PTK2: variants seen among roughly 807,000 people sequenced by gnomAD.
PTK2 encodes the protein protein tyrosine kinase 2.
Under a neutral mutation model 150.1 loss-of-function variants are expected in PTK2, and 45 were observed. That is an observed-to-expected ratio of 0.30 (90% confidence interval 0.24 to 0.38). The LOEUF is 0.38. PTK2 is among the 10% of genes least tolerant of loss of function. The probability of loss-of-function intolerance (pLI) is 1.00; values close to 1 mark genes in which losing one functional copy is unlikely to be tolerated. For synonymous variants in PTK2, 432 were observed against 449.2 expected, an observed-to-expected ratio of 0.96 and a Z score of 0.48; for missense variants, 919 against 1,307.3, an observed-to-expected ratio of 0.70 and a Z score of 4.58.
intron 1 of PTK2, among the ~76,000 whole-genome samples, chr8:140,965,121 T>C (rs557017266): frequency 1.1e-3 from 175 of 152,298 alleles, no homozygotes; most frequent in African/African-American, 4.0e-3. Context: ...CTATTACTTT[T>C]AAAGAAAACA....
At chr8:140,830,596 A>G in intron 7 of PTK2, 70 bp from the exon 8 acceptor site, 1 of 865,572 alleles carries the variant, frequency 1.2e-6, no homozygotes, top group Non-Finnish European at 1.8e-6. Flanking sequence ...ACTTGCAAGA[A>G]CATAAAAGCA....
At chr8:140,899,365 T>G (rs2100157552) in intron 2 of PTK2, among the ~76,000 whole-genome samples, 1 of 152,172 alleles carries the variant, frequency 6.6e-6, no homozygotes, top group South Asian at 2.1e-4. Context: ...ATACAAAGAC[T>G]CTTACAGAGA....
chr8:140,907,608 C>T (rs1293686756), intron 2 of PTK2, among the ~76,000 whole-genome samples: 2 of 152,092 alleles, frequency 1.3e-5, no homozygotes, highest in Non-Finnish European at 2.9e-5. Flanking sequence ...AACCCTGCAT[C>T]GAGCGAGTCT....
rs917797511 is a variant in PTK2 at position 140,805,701 on chromosome 8, C to A, written c.868-2051G>T. Reference sequence around the variant, plus strand: ...ACTTCAGCTCCAAACATCCAGAATTCATGTGTTTACTTCCCATCTTCACAG... The same window carrying A: ...ACTTCAGCTCCAAACATCCAGAATTAATGTGTTTACTTCCCATCTTCACAG... On this transcript the variant is annotated intron_variant, in intron 10 of 31. Coordinates refer to ENST00000522684, the Ensembl canonical transcript of PTK2. Among the ~76,000 whole-genome samples the A allele has an allele frequency of 3.9e-5, 6 of 152,098 alleles. No homozygotes were observed. In the East Asian group the frequency reaches 1.2e-3, roughly 29 times the overall value.
chr8:140,743,008 T>C (rs1394789442), intron 20 of PTK2, among the ~76,000 whole-genome samples: 1 of 152,242 alleles, frequency 6.6e-6, no homozygotes, highest in East Asian at 1.9e-4. Context: ...TAATCCATTC[T>C]GAGTTAATCT....
At chr8:140,971,003 G>A (rs1403120508) in intron 1 of PTK2, among the ~76,000 whole-genome samples, 2 of 152,198 alleles carry the variant, frequency 1.3e-5, no homozygotes, top group East Asian at 3.9e-4. Flanking sequence ...GTCAAAAAAA[G>A]GCAAATATTT....
intron 22 of PTK2, among the ~76,000 whole-genome samples, chr8:140,725,316 CT>C (rs2100045104): frequency 6.6e-6 from 1 of 152,186 alleles, no homozygotes; most frequent in Admixed American, 6.5e-5. Flanking sequence ...ATGTTGACAC[CT>C]TTTTCTGTTT....
chr8:140,820,863 TG>T, intron 8 of PTK2: 1 of 152,278 alleles, frequency 6.6e-6, no homozygotes, highest in South Asian at 2.1e-4. Context: ...CTAATCTCAG[TG>T]GGTCAGGGAC....
At chr8:140,733,254 T>G (rs975703614) in intron 22 of PTK2, among the ~76,000 whole-genome samples, 2 of 152,070 alleles carry the variant, frequency 1.3e-5, no homozygotes, top group Non-Finnish European at 2.9e-5. Flanking sequence ...TAGAAGAGAA[T>G]GTAACAGCTT....
chr8:140,984,660 A>G (rs139592898), intron 1 of PTK2, among the ~76,000 whole-genome samples: 56 of 152,196 alleles, frequency 3.7e-4, no homozygotes, highest in Non-Finnish European at 6.3e-4. Context: ...TCCCAAACCA[A>G]AGGTAAACAT....
At chr8:140,717,858 G>A in intron 22 of PTK2, 149 bp from the exon 26 acceptor site, 1 of 585,242 alleles carries the variant, frequency 1.7e-6, no homozygotes, top group Non-Finnish European at 3.1e-6. Flanking sequence ...GAAGGATCAG[G>A]TTTCTAACTC....
At chr8:140,937,265 G>A (rs1443567154) in intron 1 of PTK2, among the ~76,000 whole-genome samples, 2 of 152,084 alleles carry the variant, frequency 1.3e-5, no homozygotes, top group Middle Eastern at 3.4e-3. Flanking sequence ...TTTTATAATC[G>A]TTATTGCATA....
At chr8:140,695,473 C>T (rs2100025974) in intron 26 of PTK2, among the ~76,000 whole-genome samples, 1 of 150,690 alleles carries the variant, frequency 6.6e-6, no homozygotes, top group Admixed American at 6.7e-5. Context: ...TGTAGTGGAA[C>T]AATCTCAGCT....
chr8:140,768,740 TG>T (rs1445298181), intron 14 of PTK2, among the ~76,000 whole-genome samples: 2 of 152,230 alleles, frequency 1.3e-5, no homozygotes, highest in Non-Finnish European at 2.9e-5. Context: ...AGCTGCTAAT[TG>T]ATTATTATCA....
At chr8:140,695,242 C>T (rs1364474453) in intron 26 of PTK2, among the ~76,000 whole-genome samples, 1 of 152,062 alleles carries the variant, frequency 6.6e-6, no homozygotes, top group East Asian at 1.9e-4. Context: ...ACCAATTCAC[C>T]AAATCTTGTC....
At chr8:140,716,304 G>C (rs1283944750) in intron 23 of PTK2, among the ~76,000 whole-genome samples, 1 of 152,152 alleles carries the variant, frequency 6.6e-6, no homozygotes, top group Non-Finnish European at 1.5e-5. Context: ...TTTAAAAATA[G>C]GCAAACTTGT....
chr8:140,970,531 G>A (rs1430065097), intron 1 of PTK2, among the ~76,000 whole-genome samples: 2 of 152,206 alleles, frequency 1.3e-5, no homozygotes, highest in Non-Finnish European at 2.9e-5. Context: ...CACACTCCAT[G>A]TTCAACCTTG....
intron 23 of PTK2, among the ~76,000 whole-genome samples, chr8:140,712,978 GA>G (rs2100037634): frequency 1.3e-5 from 2 of 152,178 alleles, no homozygotes; most frequent in Middle Eastern, 3.4e-3. Context: ...GGTCTTCCAT[GA>G]AAAAAAGTGT....
At chr8:140,668,043 C>T (rs564542440) in intron 30 of PTK2, among the ~76,000 whole-genome samples, 62 of 152,296 alleles carry the variant, frequency 4.1e-4, no homozygotes, top group Middle Eastern at 3.4e-3. Context: ...TCAAGACACT[C>T]CCATCCTAGT....
Sources: gnomAD v4.1 joint callset for allele counts (sites outside exome capture counted in the v4.1 genomes callset) on GRCh38, gnomAD v4.1.1 for gene constraint, MANE v1.5 for transcripts, NCBI Gene and HGNC (gene_info 2026-07-23, HGNC 2026-07-21) for gene names.